Variants in SPTLC2 observed in about 807,000 individuals in gnomAD.
The protein encoded by SPTLC2 is serine palmitoyltransferase 2.
In SPTLC2, 21 loss-of-function variants were observed where a neutral mutation model predicts 62.0. The observed-to-expected ratio is 0.34, with a 90% CI of 0.24 to 0.49. The LOEUF (loss-of-function observed/expected upper bound fraction) is 0.49, where lower values mean the gene tolerates loss of function less well. SPTLC2 is among the 20% of genes least tolerant of loss of function. The pLI is 0.99. For synonymous variants in SPTLC2, 261 were observed against 261.8 expected, an observed-to-expected ratio of 1.00 and a Z score of 0.03; for missense variants, 511 against 713.0, an observed-to-expected ratio of 0.72 and a Z score of 3.23.
Position 77,555,616 on chromosome 14 carries a change from G to A in SPTLC2, c.957-97C>T, listed in dbSNP as rs1057078556. On this transcript the variant is annotated intron_variant, in intron 7 of 11. Transcript: ENST00000216484. ...GCACTTCATTATTATTGAGTTTACT[G>A]CTTCTTTTTTTTTTCTTGGGACAGA... 3 of 1,216,034 alleles carry A rather than the reference G, an allele frequency of 2.5e-6. No individual in the cohort carries two copies. In the African/African-American group the frequency reaches 4.6e-5, roughly 19 times the overall value. 75.3% of individuals were successfully genotyped at this position (1,216,034 alleles called of 1,614,324 possible). A position where few individuals can be genotyped will look rare whatever the true frequency, so the allele number is the denominator to read the frequency against.
rs1223149084 is a variant in SPTLC2, at chr14:77,518,083, G to A, written c.1524C>T (p.Ala508=). The A allele has an allele frequency of 6.2e-7, 1 of 1,614,178 alleles. No individual in the cohort carries two copies. The highest frequency in any genetic ancestry group is 8.5e-7 in the Non-Finnish European group (1 of 1,180,046). ...FPATPIIESR[A]RFCLSAAHTK... ...TATGAGCTGCTGACAGGCAAAACCTGGCTCTGGACTCAATAATTGGGGTGG... is the reference window on the plus strand; with the variant it reads ...TATGAGCTGCTGACAGGCAAAACCTAGCTCTGGACTCAATAATTGGGGTGG... The change falls in exon 11 of 12, where the codon GCC becomes GCT. Residue 508 remains alanine (A), a synonymous_variant. Coordinates refer to ENST00000216484, the MANE Select transcript of SPTLC2 (RefSeq NM_004863.4).
chr14:77,583,434 T>C (rs180869334), intron 2 of SPTLC2, among the ~76,000 whole-genome samples: 4 of 152,190 alleles, frequency 2.6e-5, no homozygotes, highest in Admixed American at 2.6e-4. Flanking sequence ...TTTTCATTCA[T>C]TCATTCAAAT....
At chr14:77,584,845 T>C (rs892211591) in intron 2 of SPTLC2, among the ~76,000 whole-genome samples, 4 of 152,178 alleles carry the variant, frequency 2.6e-5, no homozygotes, top group African/African-American at 9.7e-5. Context: ...CTGTATTTCC[T>C]GGACACCCTT....
chr14:77,514,885 T>C (rs1012821004), intron 11 of SPTLC2, among the ~76,000 whole-genome samples: 5 of 152,230 alleles, frequency 3.3e-5, no homozygotes, highest in African/African-American at 1.2e-4. Flanking sequence ...CTCTTATAAA[T>C]GGAATTGTAA....
chr14:77,531,437 T>C (rs866058677), intron 9 of SPTLC2, among the ~76,000 whole-genome samples: 2 of 138,082 alleles, frequency 1.4e-5, no homozygotes, highest in African/African-American at 6.1e-5. Flanking sequence ...TTCTTCTTCT[T>C]CTTCTTCTCC....
rs749749416 is a variant in SPTLC2, at chr14:77,576,793, C to G, written c.605G>C (p.Gly202Ala). 5 of 1,614,220 alleles carry G rather than the reference C, an allele frequency of 3.1e-6. No homozygotes were observed. The highest frequency in any genetic ancestry group is 1.7e-6 in the Non-Finnish European group (2 of 1,180,044). Residue 202 changes from glycine to alanine, a missense_variant, in exon 4 of 12, where the codon GGA becomes GCA. Physicochemically the swap from Gly to Ala is moderately conservative, Grantham distance 60 (BLOSUM62 0). Coordinates refer to ENST00000216484, the MANE Select transcript of SPTLC2 (RefSeq NM_004863.4). ...AATTTCCTGCCGAGTACTGCACACTCCAGCTCCATACTCCTCAAGGACTTT... is the reference window on the plus strand; with the variant it reads ...AATTTCCTGCCGAGTACTGCACACTGCAGCTCCATACTCCTCAAGGACTTT... ...AAKVLEEYGA[G>A]VCSTRQEIGN... is the part of the protein sequence containing the mutation.
rs10151047 is a variant in SPTLC2, at chr14:77,546,686, T to C, written c.1303+5410A>G. Among the ~76,000 whole-genome samples the C allele has an allele frequency of 3.7e-3, 560 of 152,268 alleles. 7 individuals are homozygous for C. Among genetic ancestry groups the C allele is most frequent in the African/African-American group, 0.012 (518 of 41,540 alleles). ...ATCTCCCACACAGCATATCTACCAC[T>C]ATGTAGAGAGTAGTTGCTTGTTGCT... On this transcript the variant is annotated intron_variant, in intron 9 of 11. Coordinates refer to ENST00000216484, the MANE Select transcript of SPTLC2 (RefSeq NM_004863.4).
chr14:77,544,628 G>C (rs1008953792), intron 9 of SPTLC2, among the ~76,000 whole-genome samples: 1 of 152,204 alleles, frequency 6.6e-6, no homozygotes, highest in African/African-American at 2.4e-5. Context: ...GACAAAGTCT[G>C]AGAACAGGGG....
chr14:77,558,234 C>T (rs141564010), intron 6 of SPTLC2, among the ~76,000 whole-genome samples: 6 of 152,146 alleles, frequency 3.9e-5, no homozygotes, highest in Admixed American at 6.5e-5. Context: ...TTTGTAGAGA[C>T]GGGGTTTCAC....
At chr14:77,558,527 A>G (rs147753140) in intron 6 of SPTLC2, among the ~76,000 whole-genome samples, 1 of 152,334 alleles carries the variant, frequency 6.6e-6, no homozygotes, top group Non-Finnish European at 1.5e-5. Flanking sequence ...CACATTCAGT[A>G]ATTTCTAAGA....
At position 77,510,070 on chromosome 14, in the gene SPTLC2, T is replaced by C; in HGVS notation, c.*2214A>G. The C allele has an allele frequency of 2.5e-6, 1 of 397,244 alleles. No homozygotes were observed. Among genetic ancestry groups the C allele is most frequent in the East Asian group, 3.6e-5 (1 of 27,970 alleles). The allele number at this position is 397,244 out of a possible 1,614,324, so 24.6% of individuals were successfully genotyped here. A position where few individuals can be genotyped will look rare whatever the true frequency, so the allele number is the denominator to read the frequency against. Reference sequence around the variant, plus strand: ...TATGTGGTATTCCAGTGGGATTCTATGGTAGGAAACTAGATGTGCAGAAAA... The same window carrying C: ...TATGTGGTATTCCAGTGGGATTCTACGGTAGGAAACTAGATGTGCAGAAAA... On this transcript the variant is annotated 3_prime_UTR_variant, in exon 12 of 12. Transcript: ENST00000216484.
intron 4 of SPTLC2, among the ~76,000 whole-genome samples, chr14:77,575,407 G>A (rs1022356322): frequency 3.9e-5 from 6 of 152,094 alleles, no homozygotes; most frequent in East Asian, 3.8e-4. Context: ...GGTGGAGGAG[G>A]GCAATCCCCA....
chr14:77,603,711 T>A (rs2079890044), intron 1 of SPTLC2, among the ~76,000 whole-genome samples: 1 of 152,242 alleles, frequency 6.6e-6, no homozygotes, highest in African/African-American at 2.4e-5. Context: ...ATTTTGCTAT[T>A]GAAAACCCCC....
rs78296880 is a variant in SPTLC2 at position 77,566,331 on chromosome 14, T to C, written c.757-3842A>G. On this transcript the variant is annotated intron_variant, in intron 5 of 11. Coordinates refer to ENST00000216484, the MANE Select transcript of SPTLC2 (RefSeq NM_004863.4). ...ACATCTAAGCGCTTAATGTTTCAGGTATCATGTTAAAAGATTTAAAAGCAT... is the reference window on the plus strand; with the variant it reads ...ACATCTAAGCGCTTAATGTTTCAGGCATCATGTTAAAAGATTTAAAAGCAT... 5.9e-3 allele frequency among the ~76,000 whole-genome samples: 895 copies of C among 152,306 alleles called. 11 individuals carry two copies. The highest frequency in any genetic ancestry group is 0.02 in the African/African-American group (839 of 41,560).
At chr14:77,564,440 CACACACACACAGAT>C (rs2079633638) in intron 5 of SPTLC2, among the ~76,000 whole-genome samples, 1 of 82,712 alleles carries the variant, frequency 1.2e-5, no homozygotes, top group Non-Finnish European at 2.7e-5. Flanking sequence ...CACACACACA[CACACACACACAGAT>C]GTGTGTGTAT....
At chr14:77,605,908 C>T (rs1056885110) in intron 1 of SPTLC2, among the ~76,000 whole-genome samples, 14 of 152,252 alleles carry the variant, frequency 9.2e-5, no homozygotes, top group African/African-American at 3.1e-4. Context: ...GGACTTAAAT[C>T]TTCAGCCCAG....
At chr14:77,598,394 C>A (rs1038463589) in intron 1 of SPTLC2, among the ~76,000 whole-genome samples, 2 of 152,098 alleles carry the variant, frequency 1.3e-5, no homozygotes, top group African/African-American at 4.8e-5. Flanking sequence ...AAGAGAAAGC[C>A]TGTCCCAAAA....
At chr14:77,570,301 C>A in intron 5 of SPTLC2, 83 bp downstream of exon 5, 1 of 1,523,224 alleles carries the variant, frequency 6.6e-7, no homozygotes. Flanking sequence ...AAGTTTATAA[C>A]AGCTTTTAGC....
intron 11 of SPTLC2, among the ~76,000 whole-genome samples, chr14:77,515,825 C>T (rs1262240614): frequency 6.6e-6 from 1 of 152,038 alleles, no homozygotes; most frequent in African/African-American, 2.4e-5. Context: ...CCGCACCCAG[C>T]CAGGAAAGGC....
Sources: gnomAD v4.1 joint callset for allele counts (sites outside exome capture counted in the v4.1 genomes callset) on GRCh38, gnomAD v4.1.1 for gene constraint, MANE v1.5 for transcripts, NCBI Gene and HGNC (gene_info 2026-07-23, HGNC 2026-07-21) for gene names.